Variants in PPM1L observed in about 807,000 individuals in gnomAD.
PPM1L encodes the protein protein phosphatase 1L.
Under a neutral mutation model 31.4 loss-of-function variants are expected in PPM1L, and 13 were observed. The ratio of observed to expected loss-of-function variants is 0.41; its 90% confidence interval spans 0.27 to 0.66. PPM1L has a LOEUF of 0.66. Ranked by LOEUF, PPM1L falls within the 30% of genes least tolerant of loss-of-function variation. PPM1L has a pLI of 0.29. For missense variants in PPM1L, 326 were observed against 453.7 expected (o/e 0.72, Z 2.56); for synonymous variants, 184 against 175.4 (o/e 1.05, Z -0.39).
At chr3:160,885,129 C>T (rs538388797) in intron 1 of PPM1L, among the ~76,000 whole-genome samples, 14 of 152,242 alleles carry the variant, frequency 9.2e-5, no homozygotes, top group South Asian at 2.1e-4. Context: ...CTCTCACTCC[C>T]TATCTCCACC....
intron 1 of PPM1L, among the ~76,000 whole-genome samples, chr3:160,830,898 A>C (rs1713506639): frequency 6.6e-6 from 1 of 152,340 alleles, no homozygotes; most frequent in East Asian, 1.9e-4. Flanking sequence ...GCAGCTTTCT[A>C]ATTGTCCACT....
At chr3:160,977,809 G>A (rs965226957) in intron 2 of PPM1L, among the ~76,000 whole-genome samples, 3 of 152,042 alleles carry the variant, frequency 2.0e-5, no homozygotes, top group Non-Finnish European at 4.4e-5. Context: ...GATAACCAGA[G>A]CAAAAAGAGA....
At chr3:160,937,764 T>A (rs1715027367) in intron 1 of PPM1L, among the ~76,000 whole-genome samples, 2 of 152,230 alleles carry the variant, frequency 1.3e-5, no homozygotes, top group South Asian at 4.1e-4. Context: ...AGGTCCCAAA[T>A]GTTTTATGCC....
chr3:160,772,637 T>C (rs1432759328), intron 1 of PPM1L, among the ~76,000 whole-genome samples: 1 of 152,204 alleles, frequency 6.6e-6, no homozygotes, highest in East Asian at 1.9e-4. Context: ...ACGAAACCAT[T>C]GTTACAATTA....
At chr3:160,843,426 T>TTATATATATATA (rs55994031) in intron 1 of PPM1L, among the ~76,000 whole-genome samples, 703 of 47,098 alleles carry the variant, frequency 0.015, 7 homozygotes, top group Non-Finnish European at 0.02. Flanking sequence ...GGCAATTCTT[T>TTATATATATATA]TATATATATA....
intron 1 of PPM1L, among the ~76,000 whole-genome samples, chr3:160,896,429 G>T (rs1370822989): frequency 6.6e-6 from 1 of 151,882 alleles, no homozygotes; most frequent in Non-Finnish European, 1.5e-5. Context: ...AGTATTGTAA[G>T]TTAAGGACCT....
intron 1 of PPM1L, among the ~76,000 whole-genome samples, chr3:160,831,493 C>T (rs369250011): frequency 1.1e-4 from 16 of 152,220 alleles, no homozygotes; most frequent in African/African-American, 3.6e-4. Context: ...AATATTATTC[C>T]AAGTTAATCT....
rs144368390 is a variant in PPM1L at position 161,030,887 on chromosome 3, T to C, written c.575-34516T>C. On this transcript the variant is annotated intron_variant, in intron 2 of 3. Transcript: ENST00000498165. ...GCTTCCAGAAGTTCTTCCTTTGGTA[T>C]ACTCCACCAGACCTTAGGAAAGGAA... is the stretch of plus-strand genomic sequence containing the variant. Among the ~76,000 whole-genome samples the C allele has an allele frequency of 2.4e-3, 360 of 152,298 alleles. 2 individuals carry two copies. Among genetic ancestry groups the C allele is most frequent in the Middle Eastern group, 0.01 (3 of 294 alleles).
In PPM1L at chr3:161,038,585, T is replaced by TAA. The variant is rs35502476; in HGVS notation, c.575-26792_575-26791dup. ...CCTCCCAAAATGCTGGGATTTGTTT[T>TAA]AAAAAAAAAAAAAAAAAAAAAAAAA... On this transcript the variant is annotated intron_variant, in intron 2 of 3. Coordinates refer to ENST00000498165, the MANE Select transcript of PPM1L (RefSeq NM_139245.4). Among the ~76,000 whole-genome samples, 367 of 110,598 alleles carry TAA rather than the reference T, an allele frequency of 3.3e-3. 3 individuals carry two copies. Among genetic ancestry groups the TAA allele is most frequent in the African/African-American group, 6.5e-3 (209 of 32,260 alleles). The allele number at this position is 110,598 out of a possible 152,430, so 72.6% of individuals were successfully genotyped here. A position where few individuals can be genotyped will look rare whatever the true frequency, so the allele number is the denominator to read the frequency against.
intron 1 of PPM1L, among the ~76,000 whole-genome samples, chr3:160,916,535 A>G (rs772274169): frequency 1.4e-4 from 21 of 152,186 alleles, no homozygotes; most frequent in Non-Finnish European, 2.6e-4. Flanking sequence ...ATCGATAAAA[A>G]TATTCTTTTT....
chr3:160,965,079 A>G (rs1304292624), intron 2 of PPM1L, among the ~76,000 whole-genome samples: 3 of 151,676 alleles, frequency 2.0e-5, no homozygotes, highest in Non-Finnish European at 2.9e-5. Flanking sequence ...GTGAAACCCC[A>G]TCTCTACTAA....
intron 1 of PPM1L, among the ~76,000 whole-genome samples, chr3:160,915,988 C>T (rs1431381542): frequency 1.1e-4 from 17 of 152,208 alleles, no homozygotes; most frequent in Admixed American, 5.9e-4. Context: ...CCATTCAGGA[C>T]ATAGGCATGG....
At chr3:160,965,182 C>T (rs530232467) in intron 2 of PPM1L, among the ~76,000 whole-genome samples, 10 of 151,348 alleles carry the variant, frequency 6.6e-5, no homozygotes, top group African/African-American at 2.4e-4. Context: ...ACCCAGGAGG[C>T]GGAGCTTGCA....
intron 2 of PPM1L, among the ~76,000 whole-genome samples, chr3:160,972,468 C>G (rs189703474): frequency 6.6e-6 from 1 of 150,878 alleles, no homozygotes; most frequent in Non-Finnish European, 1.5e-5. Flanking sequence ...TTTGTCCTTG[C>G]GATAGTTTGC....
intron 1 of PPM1L, among the ~76,000 whole-genome samples, chr3:160,880,033 A>G (rs1406754870): frequency 6.6e-6 from 1 of 152,100 alleles, no homozygotes; most frequent in African/African-American, 2.4e-5. Context: ...TAAAATGTCC[A>G]CTTCTGTAAA....
In PPM1L at chr3:160,916,090, A is replaced by C. The variant is rs542308967; in HGVS notation, c.400-45646A>C. 1.3e-4 allele frequency among the ~76,000 whole-genome samples: 20 copies of C among 152,374 alleles called. No homozygotes were observed. In the South Asian group the frequency reaches 4.1e-3, roughly 32 times the overall value. On this transcript the variant is annotated intron_variant, in intron 1 of 3. Transcript: ENST00000498165. ...TAATTAAACTCAGGAGCTTCTGCAC[A>C]GCCAAAGAAACTACCATCGGAGTGA...
Position 161,074,073 on chromosome 3 carries a change from CTT to C in PPM1L, c.*4919_*4920del, listed in dbSNP as rs1559946386. 3 of 152,142 alleles carry C rather than the reference CTT, an allele frequency of 2.0e-5. No individual in the cohort carries two copies. Among genetic ancestry groups the C allele is most frequent in the Admixed American group, 6.5e-5 (1 of 15,280 alleles). 9.4% of individuals were successfully genotyped at this position (152,142 alleles called of 1,614,324 possible). ...AAAACAGAAATTTGATTTTAATTCA[CTT>C]TTGAAATTTTAACGATTTTTAAAAC... On this transcript the variant is annotated 3_prime_UTR_variant, in exon 4 of 4. Transcript: ENST00000498165.
rs530963102 is a variant in PPM1L, at chr3:160,934,348, T to C, written c.400-27388T>C. On this transcript the variant is annotated intron_variant, in intron 1 of 3. Coordinates refer to ENST00000498165, the MANE Select transcript of PPM1L (RefSeq NM_139245.4). ...ATTTAAGAGAAGATTACACATTCAG[T>C]GTTTGCTTGCTCAGTCTTCTGAGAG... 3.3e-4 allele frequency among the ~76,000 whole-genome samples: 51 copies of C among 152,366 alleles called. 1 individual carries two copies. In the South Asian group the frequency reaches 9.1e-3, roughly 27 times the overall value.
chr3:160,922,671 A>G (rs1239507403), intron 1 of PPM1L, among the ~76,000 whole-genome samples: 1 of 152,230 alleles, frequency 6.6e-6, no homozygotes, highest in African/African-American at 2.4e-5. Flanking sequence ...ATATCTCAGT[A>G]TCTACTTTGA....
Sources: gnomAD v4.1 joint callset for allele counts (sites outside exome capture counted in the v4.1 genomes callset) on GRCh38, gnomAD v4.1.1 for gene constraint, MANE v1.5 for transcripts, NCBI Gene and HGNC (gene_info 2026-07-23, HGNC 2026-07-21) for gene names.